The following BBX variants were observed in gnomAD, a reference collection of about 807,000 sequenced individuals.
The protein encoded by BBX is HMG box transcription factor BBX.
BBX carries 30 observed loss-of-function variants against 100.2 expected under a neutral mutation model. The ratio of observed to expected loss-of-function variants is 0.30; its 90% CI spans 0.22 to 0.41. BBX has a LOEUF of 0.41. BBX is among the 10% of genes least tolerant of loss of function. The probability of loss-of-function intolerance (pLI) is 1.00; values close to 1 mark genes in which losing one functional copy is unlikely to be tolerated. For synonymous variants in BBX, 376 were observed against 388.1 expected, an observed-to-expected ratio of 0.97 and a Z score of 0.37; for missense variants, 1,023 against 1,129.8, an observed-to-expected ratio of 0.91 and a Z score of 1.35.
At chr3:107,632,401 A>G (rs1359786033) in intron 2 of BBX, among the ~76,000 whole-genome samples, 1 of 152,114 alleles carries the variant, frequency 6.6e-6, no homozygotes, top group Non-Finnish European at 1.5e-5. Context: ...ATGCTTTTAC[A>G]TATTTATTAG....
At chr3:107,618,811 C>T (rs2055504409) in intron 2 of BBX, among the ~76,000 whole-genome samples, 1 of 151,986 alleles carries the variant, frequency 6.6e-6, no homozygotes, top group Admixed American at 6.6e-5. Context: ...TGTTTTATAG[C>T]ATAACATGTA....
intron 3 of BBX, among the ~76,000 whole-genome samples, chr3:107,676,083 A>G (rs1310257636): frequency 6.6e-6 from 1 of 152,166 alleles, no homozygotes; most frequent in African/African-American, 2.4e-5. Flanking sequence ...CTGTTTTACA[A>G]TGTGGGAATC....
chr3:107,681,298 G>A (rs2059562408), intron 3 of BBX, among the ~76,000 whole-genome samples: 4 of 152,068 alleles, frequency 2.6e-5, no homozygotes, highest in African/African-American at 2.4e-5. Flanking sequence ...ATGGGGAAAG[G>A]TTTAGTTAAT....
chr3:107,569,026 T>C (rs896422182), intron 2 of BBX, among the ~76,000 whole-genome samples: 20 of 152,242 alleles, frequency 1.3e-4, no homozygotes, highest in African/African-American at 4.8e-4. Flanking sequence ...CTAGCAAAAT[T>C]GTGGTAAAAA....
chr3:107,568,589 C>T (rs569452904), intron 2 of BBX, among the ~76,000 whole-genome samples: 2 of 152,228 alleles, frequency 1.3e-5, no homozygotes, highest in Admixed American at 1.3e-4. Flanking sequence ...GTTGCCTCTT[C>T]TCCAATTTCT....
intron 16 of BBX, among the ~76,000 whole-genome samples, chr3:107,799,158 AAAC>A (rs1231115160): frequency 9.2e-5 from 14 of 151,940 alleles, no homozygotes; most frequent in African/African-American, 3.1e-4. Flanking sequence ...TCAAAAAAAA[AAAC>A]AACAACAACA....
intron 3 of BBX, among the ~76,000 whole-genome samples, chr3:107,708,989 G>A (rs1174151745): frequency 6.6e-6 from 1 of 152,108 alleles, no homozygotes; most frequent in Non-Finnish European, 1.5e-5. Flanking sequence ...TCAAAGGATA[G>A]GCAAGCAGTT....
At chr3:107,694,744 T>A (rs1189314902) in intron 3 of BBX, among the ~76,000 whole-genome samples, 1 of 151,538 alleles carries the variant, frequency 6.6e-6, no homozygotes, top group Non-Finnish European at 1.5e-5. Context: ...CTTTTTCTAT[T>A]GATTGGAATA....
intron 2 of BBX, among the ~76,000 whole-genome samples, chr3:107,636,865 A>T (rs763865082): frequency 6.6e-6 from 1 of 152,248 alleles, no homozygotes; most frequent in South Asian, 2.1e-4. Flanking sequence ...TTTATATCGT[A>T]AAGAGGTTGT....
At chr3:107,586,375 G>GT (rs1381306724) in intron 2 of BBX, among the ~76,000 whole-genome samples, 1 of 151,720 alleles carries the variant, frequency 6.6e-6, no homozygotes, top group Non-Finnish European at 1.5e-5. Context: ...ATTCGTAATT[G>GT]TTTTTTTTAG....
At position 107,798,681 on chromosome 3, in the gene BBX, ACAG is replaced by A; in HGVS notation, c.2516_2518del (p.Ala839del). ...AACCAAGATTACACACCTTGTCAGG[ACAG>A]CAGATGGCCGGGTATCACCAGCAGG... On this transcript the variant is annotated inframe_deletion, in exon 16 of 18. Coordinates refer to ENST00000325805, the MANE Select transcript of BBX (RefSeq NM_001142568.3). The A allele has an allele frequency of 6.2e-7, 1 of 1,614,128 alleles. No homozygotes were observed. Among genetic ancestry groups the A allele is most frequent in the Non-Finnish European group, 8.5e-7 (1 of 1,180,026 alleles).
intron 3 of BBX, among the ~76,000 whole-genome samples, chr3:107,698,024 C>G (rs558015049): frequency 3.3e-5 from 5 of 151,916 alleles, no homozygotes; most frequent in Non-Finnish European, 7.4e-5. Flanking sequence ...TTGCGCTTCC[C>G]GAGTGAGGCA....
chr3:107,772,551 A>G, intron 10 of BBX, 77 bp from the exon 11 acceptor site: 1 of 1,389,800 alleles, frequency 7.2e-7, no homozygotes, highest in Non-Finnish European at 9.7e-7. Flanking sequence ...AAACAGATAT[A>G]ATTGAAAACT....
chr3:107,624,256 T>A (rs961246528), intron 2 of BBX, among the ~76,000 whole-genome samples: 2 of 152,262 alleles, frequency 1.3e-5, no homozygotes, highest in African/African-American at 4.8e-5. Context: ...ATATAGTAAG[T>A]GCTTTTTATC....
chr3:107,774,116 G>C (rs759500076), intron 11 of BBX, among the ~76,000 whole-genome samples: 1 of 152,126 alleles, frequency 6.6e-6, no homozygotes, highest in Non-Finnish European at 1.5e-5. Context: ...TAGTCCCAGC[G>C]CTTTGGGAGG....
rs569662971 is a variant in BBX at position 107,724,138 on chromosome 3, G to A, written c.406-4627G>A. ...TGAGATGGTATCTCATTGTGGTTTT[G>A]ATTTGCATTTCTCTGATGGCCAGTG... On this transcript the variant is annotated intron_variant, in intron 5 of 17. Transcript: ENST00000325805. 2.1e-4 allele frequency among the ~76,000 whole-genome samples: 32 copies of A among 152,292 alleles called. No homozygotes were observed. The South Asian group carries it at 6.0e-3, about 29-fold the overall frequency.
At chr3:107,631,622 A>G (rs1196079478) in intron 2 of BBX, among the ~76,000 whole-genome samples, 1 of 151,638 alleles carries the variant, frequency 6.6e-6, no homozygotes, top group Non-Finnish European at 1.5e-5. Context: ...TAAAGTCATC[A>G]TCATTTTTGT....
chr3:107,775,829 G>C (rs989714856), intron 12 of BBX, among the ~76,000 whole-genome samples: 4 of 151,948 alleles, frequency 2.6e-5, no homozygotes, highest in African/African-American at 9.7e-5. Context: ...ATTTCCCATA[G>C]TGCTGGCTCT....
At chr3:107,608,323 A>C (rs1364746038) in intron 2 of BBX, among the ~76,000 whole-genome samples, 1 of 152,012 alleles carries the variant, frequency 6.6e-6, no homozygotes, top group Non-Finnish European at 1.5e-5. Flanking sequence ...TATTGAAGAG[A>C]CTGTCCTTTC....
Sources: gnomAD v4.1 joint callset for allele counts (sites outside exome capture counted in the v4.1 genomes callset) on GRCh38, gnomAD v4.1.1 for gene constraint, MANE v1.5 for transcripts, NCBI Gene and HGNC (gene_info 2026-07-23, HGNC 2026-07-21) for gene names.